The following SCYL3 variants were observed in gnomAD, a reference collection of about 807,000 sequenced individuals.
SCYL3 encodes SCY1 like pseudokinase 3.
A neutral mutation model predicts 73.8 loss-of-function variants in SCYL3; 35 were observed. The ratio of observed to expected loss-of-function variants is 0.47; its 90% CI spans 0.36 to 0.63. SCYL3 has a LOEUF of 0.63. Ranked by LOEUF, SCYL3 falls within the 20% of genes least tolerant of loss-of-function variation. SCYL3 has a pLI of 0.00. For synonymous variants in SCYL3, 277 were observed against 295.2 expected, an observed-to-expected ratio of 0.94 and a Z score of 0.63; for missense variants, 712 against 798.9, an observed-to-expected ratio of 0.89 and a Z score of 1.31.
chr1:169,891,247 T>C (rs1662064989), intron 1 of SCYL3, among the ~76,000 whole-genome samples: 1 of 152,118 alleles, frequency 6.6e-6, no homozygotes, highest in South Asian at 2.1e-4. Context: ...AGTCAGTTGG[T>C]AGTAAAATTT....
intron 2 of SCYL3, among the ~76,000 whole-genome samples, chr1:169,886,540 G>C (rs1385252641): frequency 1.3e-5 from 2 of 152,112 alleles, no homozygotes; most frequent in African/African-American, 4.8e-5. Flanking sequence ...ACCACTCTTA[G>C]AGTCCAATGT....
Position 169,873,765 on chromosome 1 carries a change from ATAAAT to A in SCYL3, c.466-18_466-14del, listed in dbSNP as rs750775734. On this transcript the variant is annotated splice_polypyrimidine_tract_variant and intron_variant, in intron 4 of 12. Transcript: ENST00000367771. ...TACTCCTCAGAAACTAGACAGAGAA[ATAAAT>A]TAAAGAAAATGATTCATACATATGT... 34 of 1,583,988 alleles carry A rather than the reference ATAAAT, an allele frequency of 2.1e-5. No homozygotes were observed. Among genetic ancestry groups the A allele is most frequent in the Non-Finnish European group, 2.6e-5 (30 of 1,154,248 alleles).
Position 169,851,907 on chromosome 1 carries a change from G to A in SCYL3, c.*1806C>T, listed in dbSNP as rs1295938859. ...CTGGGAACCCTTTGCTAATGTGACT[G>A]TAGAAGAAGCAAAGAGGTCATCTTT... On this transcript the variant is annotated 3_prime_UTR_variant, in exon 13 of 13. Transcript: ENST00000367771. 6.2e-7 allele frequency: 1 copy of A among 1,613,958 alleles called. No individual in the cohort carries two copies. The highest frequency in any genetic ancestry group is 8.5e-7 in the Non-Finnish European group (1 of 1,179,956).
At chr1:169,870,209 A>C (rs369352537) in intron 6 of SCYL3, 46 bp downstream of exon 6, 3 of 1,324,124 alleles carry the variant, frequency 2.3e-6, no homozygotes, top group Non-Finnish European at 3.2e-6. Flanking sequence ...GTCATGGATG[A>C]TTTTCCTACT....
At chr1:169,872,190 C>A (rs1176246515) in intron 5 of SCYL3, among the ~76,000 whole-genome samples, 1 of 152,232 alleles carries the variant, frequency 6.6e-6, no homozygotes. Context: ...GCCCAGGGTC[C>A]CCATGCTGTG....
In SCYL3 at chr1:169,856,074, T is replaced by C. The variant is rs569295246; in HGVS notation, c.1313-1110A>G. On this transcript the variant is annotated intron_variant, in intron 11 of 12. Transcript: ENST00000367771. ...GGTATATTTTTATACATATAAAGGA[T>C]AAAATGGAGGAGAGAACATCTTCAA... The C allele has an allele frequency of 1.2e-5, 10 of 849,902 alleles. No homozygotes were observed. In the Middle Eastern group the frequency reaches 2.1e-3, roughly 179 times the overall value. The allele number at this position is 849,902 out of a possible 1,614,324, so 52.6% of individuals were successfully genotyped here.
chr1:169,854,114 A>AGAT (rs1252476594), intron 12 of SCYL3, 156 bp downstream of exon 12: 18 of 624,602 alleles, frequency 2.9e-5, no homozygotes, highest in African/African-American at 8.0e-5. Context: ...GGGGAAGGAA[A>AGAT]GATAGATACC....
At chr1:169,856,510 A>C (rs956384945) in intron 11 of SCYL3, among the ~76,000 whole-genome samples, 1 of 152,210 alleles carries the variant, frequency 6.6e-6, no homozygotes, top group African/African-American at 2.4e-5. Flanking sequence ...TTTTTGGCCA[A>C]AAAGTGAGGA....
intron 2 of SCYL3, among the ~76,000 whole-genome samples, chr1:169,887,216 C>T (rs1661744070): frequency 6.6e-6 from 1 of 152,096 alleles, no homozygotes; most frequent in East Asian, 1.9e-4. Flanking sequence ...GAACTATGTG[C>T]AAAGACTCAG....
chr1:169,877,338 TG>T (rs1188652475), intron 3 of SCYL3, among the ~76,000 whole-genome samples: 1 of 151,956 alleles, frequency 6.6e-6, no homozygotes, highest in Admixed American at 6.5e-5. Context: ...GAAATGTTTT[TG>T]TAGAGATAGG....
chr1:169,863,357 T>C (rs904965746), intron 9 of SCYL3, among the ~76,000 whole-genome samples: 2 of 152,244 alleles, frequency 1.3e-5, no homozygotes, highest in African/African-American at 4.8e-5. Flanking sequence ...AGCTTGTATT[T>C]TAACAGAATT....
At chr1:169,855,030 A>C (rs1658993083) in intron 11 of SCYL3, 66 bp from the exon 12 acceptor site, 1 of 1,188,190 alleles carries the variant, frequency 8.4e-7, no homozygotes, top group Non-Finnish European at 1.2e-6. Flanking sequence ...TATGGGAAGG[A>C]TAGCATTAAG....
intron 5 of SCYL3, among the ~76,000 whole-genome samples, chr1:169,871,425 A>G (rs1660387128): frequency 6.6e-6 from 1 of 152,188 alleles, no homozygotes. Context: ...GCCTTCTGCC[A>G]TGATTTTAAG....
intron 2 of SCYL3, among the ~76,000 whole-genome samples, chr1:169,885,567 C>T (rs1334248267): frequency 3.3e-5 from 5 of 151,258 alleles, no homozygotes; most frequent in Non-Finnish European, 5.9e-5. Context: ...TCCTTTTTCT[C>T]TGAAGATGTA....
chr1:169,880,952 G>A (rs140020586), intron 2 of SCYL3, among the ~76,000 whole-genome samples: 4,110 of 152,188 alleles, frequency 0.027, 201 homozygotes, highest in African/African-American at 0.094. Context: ...AGTAGAGACA[G>A]GGTTTCACCA....
In SCYL3 at chr1:169,869,058, G is replaced by C. The variant is rs763195811; in HGVS notation, c.626-19C>G. ...GCTGAAACTGAAATCCAGAGCTACA[G>C]TTAGTTTCCAATGCCTTCTCCCTCT... On this transcript the variant is annotated intron_variant, in intron 6 of 12. Transcript: ENST00000367771. 6.3e-7 allele frequency: 1 copy of C among 1,596,908 alleles called. No individual in the cohort carries two copies. The highest frequency in any genetic ancestry group is 8.6e-7 in the Non-Finnish European group (1 of 1,164,746).
chr1:169,885,634 T>C (rs1258683227), intron 2 of SCYL3, among the ~76,000 whole-genome samples: 1 of 152,122 alleles, frequency 6.6e-6, no homozygotes, highest in African/African-American at 2.4e-5. Context: ...ATCTGAAGGT[T>C]AGATCATAAA....
intron 3 of SCYL3, among the ~76,000 whole-genome samples, chr1:169,876,871 C>T (rs976253102): frequency 3.5e-5 from 5 of 142,618 alleles, no homozygotes; most frequent in Non-Finnish European, 7.6e-5. Flanking sequence ...AGGAGAATGG[C>T]GTGAACCCGG....
chr1:169,875,671 T>C (rs868629723), intron 4 of SCYL3, among the ~76,000 whole-genome samples: 3 of 152,344 alleles, frequency 2.0e-5, no homozygotes, highest in Middle Eastern at 3.4e-3. Flanking sequence ...TCAAGTGGTA[T>C]GATCCAAGTA....
Sources: allele counts gnomAD v4.1 joint callset (sites outside exome capture counted in the v4.1 genomes callset), GRCh38; gene constraint gnomAD v4.1.1; transcripts MANE v1.5; gene names NCBI Gene and HGNC (gene_info 2026-07-23, HGNC 2026-07-21).